The following GABRG1 variants were observed in gnomAD, a reference collection of about 807,000 sequenced individuals.
GABRG1 encodes gamma-aminobutyric acid receptor subunit gamma-1.
In GABRG1, 49 loss-of-function variants were observed where a neutral mutation model predicts 49.8. The observed-to-expected ratio is 0.98, with a 90% CI of 0.78 to 1.25. The LOEUF is 1.25. Ranked by LOEUF, GABRG1 falls within the 50% of genes most tolerant of loss-of-function variation. GABRG1 has a pLI of 0.00. For missense variants in GABRG1, 552 were observed against 552.3 expected, an observed-to-expected ratio of 1.00 and a Z score of 0.01; for synonymous variants, 232 against 185.1, an observed-to-expected ratio of 1.25 and a Z score of -2.06.
At position 46,098,856 on chromosome 4, in the gene GABRG1, T is replaced by C. The variant is rs114734065; in HGVS notation, c.105-1507A>G. On this transcript the variant is annotated intron_variant, in intron 1 of 8. Transcript: ENST00000295452. ...GGCTCTCTGTACAATGGTTGGGGGG[T>C]TGGGGCACTTAATTGTATCATCAGA... Among the ~76,000 whole-genome samples, 857 of 151,732 alleles carry C rather than the reference T, an allele frequency of 5.6e-3. 4 individuals carry two copies. The highest frequency in any genetic ancestry group is 0.019 in the African/African-American group (781 of 41,480).
intron 8 of GABRG1, among the ~76,000 whole-genome samples, chr4:46,044,596 G>A (rs955198333): frequency 2.6e-5 from 4 of 152,060 alleles, no homozygotes; most frequent in African/African-American, 7.2e-5. Context: ...ATAGGCCAAT[G>A]GATAAAGCAG....
At chr4:46,080,204 T>A (rs1317684600) in intron 3 of GABRG1, among the ~76,000 whole-genome samples, 3 of 151,822 alleles carry the variant, frequency 2.0e-5, no homozygotes, top group Non-Finnish European at 4.4e-5. Context: ...TAAAAAAAAC[T>A]AATATATTAA....
At position 46,074,934 on chromosome 4, in the gene GABRG1, C is replaced by T. The variant is rs1188070108; in HGVS notation, c.321+9052G>A. Among the ~76,000 whole-genome samples, 7 of 152,132 alleles carry T rather than the reference C, an allele frequency of 4.6e-5. No homozygotes were observed. The East Asian group carries it at 9.7e-4, about 21-fold the overall frequency. On this transcript the variant is annotated intron_variant, in intron 3 of 8. Coordinates refer to ENST00000295452, the MANE Select transcript of GABRG1 (RefSeq NM_173536.4). ...TTTTGTCATAATTCTGATTCTGAGA[C>T]TTACTAGAGTAGGGTGCTGACTGAG... is the stretch of plus-strand genomic sequence containing the variant.
At chr4:46,071,631 G>A (rs897419753) in intron 3 of GABRG1, among the ~76,000 whole-genome samples, 3 of 151,496 alleles carry the variant, frequency 2.0e-5, no homozygotes, top group Non-Finnish European at 2.9e-5. Flanking sequence ...CTTCTAGTGG[G>A]ACAAGATGTG....
At chr4:46,073,892 C>A (rs1719229152) in intron 3 of GABRG1, among the ~76,000 whole-genome samples, 1 of 152,034 alleles carries the variant, frequency 6.6e-6, no homozygotes, top group Admixed American at 6.6e-5. Context: ...GTACTGTGTT[C>A]ACCTATTTTT....
At chr4:46,082,701 CA>C (rs780973479) in intron 3 of GABRG1, among the ~76,000 whole-genome samples, 3 of 151,642 alleles carry the variant, frequency 2.0e-5, no homozygotes, top group Admixed American at 6.6e-5. Context: ...ATTTGTAACT[CA>C]TTATCATTCC....
intron 7 of GABRG1, 36 bp downstream of exon 7, chr4:46,058,181 T>C: frequency 1.3e-6 from 2 of 1,567,312 alleles, no homozygotes; most frequent in African/African-American, 1.4e-5. Flanking sequence ...TTTTTTAAAG[T>C]TCTATGGCAT....
At chr4:46,118,794 A>T (rs1721010801) in intron 1 of GABRG1, among the ~76,000 whole-genome samples, 1 of 147,674 alleles carries the variant, frequency 6.8e-6, no homozygotes, top group Non-Finnish European at 1.5e-5. Context: ...AGACTTAATG[A>T]AATGTTTGAA....
intron 3 of GABRG1, among the ~76,000 whole-genome samples, chr4:46,076,362 CATATATATATATATATAT>C (rs1203391424): frequency 1.1e-4 from 9 of 78,728 alleles, no homozygotes; most frequent in South Asian, 6.1e-4. Flanking sequence ...AGGTCATGTT[CATATATATATATATATAT>C]ATATATATAT....
chr4:46,087,464 C>T (rs1246549440), intron 2 of GABRG1, among the ~76,000 whole-genome samples: 1 of 151,302 alleles, frequency 6.6e-6, no homozygotes, highest in Non-Finnish European at 1.5e-5. Context: ...CTTTAAAAAT[C>T]CCTAAATATT....
intron 2 of GABRG1, among the ~76,000 whole-genome samples, chr4:46,096,682 G>T (rs1720173215): frequency 6.6e-6 from 1 of 151,294 alleles, no homozygotes; most frequent in East Asian, 2.0e-4. Context: ...AAATAGAAGA[G>T]AAGGTAACCA....
At chr4:46,054,017 T>C (rs1348634992) in intron 7 of GABRG1, among the ~76,000 whole-genome samples, 1 of 38,090 alleles carries the variant, frequency 2.6e-5, no homozygotes, top group Non-Finnish European at 5.1e-5. Context: ...CTTGAATTGA[T>C]TTTTGTATAA....
chr4:46,053,211 CT>C (rs200834209), intron 7 of GABRG1, among the ~76,000 whole-genome samples: 422 of 151,420 alleles, frequency 2.8e-3, no homozygotes, highest in Non-Finnish European at 4.1e-3. Context: ...AATTTACTTC[CT>C]TTTTTGTTAG....
At position 46,040,768 on chromosome 4, in the gene GABRG1, A is replaced by G. The variant is rs1388560046; in HGVS notation, c.*220T>C. 1 of 383,176 alleles carries G rather than the reference A, an allele frequency of 2.6e-6. No homozygotes were observed. The highest frequency in any genetic ancestry group is 2.1e-5 in the African/African-American group (1 of 48,070). 23.7% of individuals were successfully genotyped at this position (383,176 alleles called of 1,614,324 possible). ...AAAATTTAAGTAAAAATATGTGAGT[A>G]TTTTAACCTACTGGATTTTGCAACT... On this transcript the variant is annotated 3_prime_UTR_variant, in exon 9 of 9. Coordinates refer to ENST00000295452, the MANE Select transcript of GABRG1 (RefSeq NM_173536.4).
intron 1 of GABRG1, among the ~76,000 whole-genome samples, chr4:46,101,208 T>C (rs1006551590): frequency 2.0e-5 from 3 of 151,792 alleles, no homozygotes; most frequent in Admixed American, 1.3e-4. Flanking sequence ...TAAGAGATTA[T>C]AGAATTCCAG....
At chr4:46,122,408 C>A (rs1012748260) in intron 1 of GABRG1, among the ~76,000 whole-genome samples, 1 of 151,816 alleles carries the variant, frequency 6.6e-6, no homozygotes, top group African/African-American at 2.4e-5. Flanking sequence ...ACCTAAATAT[C>A]TTTTATAAAA....
chr4:46,052,439 C>T (rs575281374), intron 7 of GABRG1, among the ~76,000 whole-genome samples: 2 of 151,902 alleles, frequency 1.3e-5, no homozygotes, highest in South Asian at 4.2e-4. Flanking sequence ...ACAGTTATAT[C>T]AAGGGAATAC....
intron 6 of GABRG1, 30 bp from the exon 7 acceptor site, chr4:46,058,399 A>G: frequency 1.3e-6 from 2 of 1,599,040 alleles, no homozygotes; most frequent in Non-Finnish European, 1.7e-6. Context: ...TATTTTGGCT[A>G]TATAATATAA....
rs1718880872 is a variant in GABRG1 at position 46,065,580 on chromosome 4, T to C, written c.326A>G (p.Tyr109Cys). ...TTGGGCAAAAATTATATCTATTGTATATTCCTAAAATATAAGAAGAGTAAC... is the reference window on the plus strand; with the variant it reads ...TTGGGCAAAAATTATATCTATTGTACATTCCTAAAATATAAGAAGAGTAAC... ...IGPVDPINMEYTIDIIFAQTW... is the reference protein window; with the variant it reads ...IGPVDPINMECTIDIIFAQTW... The change falls in exon 4 of 9, where the codon TAT becomes TGT. Residue 109 changes from tyrosine to cysteine, a missense_variant. Coordinates refer to ENST00000295452, the MANE Select transcript of GABRG1 (RefSeq NM_173536.4). 7.3e-6 allele frequency: 10 copies of C among 1,360,920 alleles called. No homozygotes were observed. The highest frequency in any genetic ancestry group is 1.0e-5 in the Non-Finnish European group (10 of 957,190). 84.3% of individuals were successfully genotyped at this position (1,360,920 alleles called of 1,614,324 possible).
Sources: allele counts gnomAD v4.1 joint callset (sites outside exome capture counted in the v4.1 genomes callset), GRCh38; gene constraint gnomAD v4.1.1; transcripts MANE v1.5; gene names NCBI Gene and HGNC (gene_info 2026-07-23, HGNC 2026-07-21).